DUSP10: variants seen among roughly 807,000 people sequenced by gnomAD.
DUSP10 encodes the protein dual specificity protein phosphatase 10.
In DUSP10, 14 loss-of-function variants were observed where a neutral mutation model predicts 30.8. The observed-to-expected ratio is 0.46, with a 90% CI of 0.30 to 0.71. The LOEUF (loss-of-function observed/expected upper bound fraction) is 0.71, where lower values mean the gene tolerates loss of function less well. DUSP10 is among the 30% of genes least tolerant of loss of function. The pLI is 0.08. For synonymous variants in DUSP10, 254 were observed against 250.4 expected (o/e 1.01, Z -0.14); for missense variants, 550 against 619.4 (o/e 0.89, Z 1.19).
intron 2 of DUSP10, among the ~76,000 whole-genome samples, chr1:221,709,022 A>G (rs2102617689): frequency 6.8e-6 from 1 of 146,022 alleles, no homozygotes; most frequent in East Asian, 2.0e-4. Context: ...AAAAAAAACC[A>G]ACACATGCTA....
chr1:221,730,813 T>A (rs2102646327), intron 2 of DUSP10, among the ~76,000 whole-genome samples: 1 of 152,086 alleles, frequency 6.6e-6, no homozygotes, highest in Non-Finnish European at 1.5e-5. Context: ...AAAAATTACA[T>A]ATATCTATAA....
chr1:221,720,579 G>A (rs953497130), intron 2 of DUSP10, among the ~76,000 whole-genome samples: 7 of 152,190 alleles, frequency 4.6e-5, no homozygotes, highest in African/African-American at 1.7e-4. Flanking sequence ...TTGTAGGACT[G>A]AGCCACAACT....
rs533206356 is a variant in DUSP10 at position 221,727,223 on chromosome 1, G to A, written c.811+11711C>T. On this transcript the variant is annotated intron_variant, in intron 2 of 3. Coordinates refer to ENST00000366899, the MANE Select transcript of DUSP10 (RefSeq NM_007207.6). Reference sequence around the variant, plus strand: ...ATACAAATATAAGGGAGCATCAGCCGGCTCATTCAATTAGTCACTATATAC... The same window carrying A: ...ATACAAATATAAGGGAGCATCAGCCAGCTCATTCAATTAGTCACTATATAC... Among the ~76,000 whole-genome samples, 180 of 152,240 alleles carry A rather than the reference G, an allele frequency of 1.2e-3. 1 individual carries two copies. Among genetic ancestry groups the A allele is most frequent in the African/African-American group, 4.0e-3 (166 of 41,538 alleles).
chr1:221,704,009 C>T (rs1400622519), intron 3 of DUSP10, among the ~76,000 whole-genome samples: 1 of 152,178 alleles, frequency 6.6e-6, no homozygotes, highest in Non-Finnish European at 1.5e-5. Flanking sequence ...AAGTCAAGAC[C>T]AGAAAGCATG....
chr1:221,735,115 C>A (rs1661724518), intron 2 of DUSP10, among the ~76,000 whole-genome samples: 1 of 152,236 alleles, frequency 6.6e-6, no homozygotes, highest in Non-Finnish European at 1.5e-5. Context: ...TAACTGCCTG[C>A]ATGATCAAAT....
intron 2 of DUSP10, among the ~76,000 whole-genome samples, chr1:221,734,722 C>T (rs531428126): frequency 6.6e-5 from 10 of 152,186 alleles, no homozygotes; most frequent in Middle Eastern, 3.4e-3. Flanking sequence ...TGACTAGATC[C>T]GAAGTTCTGC....
At chr1:221,709,298 T>C (rs1413080987) in intron 2 of DUSP10, among the ~76,000 whole-genome samples, 1 of 149,342 alleles carries the variant, frequency 6.7e-6, no homozygotes, top group Non-Finnish European at 1.5e-5. Context: ...GGGCCTTCCA[T>C]TTGCCTAATG....
At chr1:221,727,611 GT>G (rs1214370738) in intron 2 of DUSP10, among the ~76,000 whole-genome samples, 5 of 152,116 alleles carry the variant, frequency 3.3e-5, no homozygotes, top group Non-Finnish European at 5.9e-5. Context: ...TAATTCTGTG[GT>G]TTTTCAACAT....
chr1:221,737,668 G>A (rs1661818488), intron 2 of DUSP10, among the ~76,000 whole-genome samples: 1 of 152,186 alleles, frequency 6.6e-6, no homozygotes. Context: ...CCCCATGAGG[G>A]CAAGTTTGAG....
rs1661873910 is a variant in DUSP10 at position 221,739,222 on chromosome 1, T to C, written c.523A>G (p.Ile175Val). ...TACTCCATGAAGGGCCTGCAGTCAATGATGACAGGGCCCTGACTCGGCAGG... is the reference window on the plus strand; with the variant it reads ...TACTCCATGAAGGGCCTGCAGTCAACGATGACAGGGCCCTGACTCGGCAGG... ...SHLPSQGPVI[I>V]DCRPFMEYNK... Residue 175 changes from isoleucine to valine, a missense_variant, in exon 2 of 4, where the codon ATT becomes GTT. Coordinates refer to ENST00000366899, the MANE Select transcript of DUSP10 (RefSeq NM_007207.6). 2 of 1,614,086 alleles carry C rather than the reference T, an allele frequency of 1.2e-6. No homozygotes were observed. The highest frequency in any genetic ancestry group is 1.7e-6 in the Non-Finnish European group (2 of 1,180,042).
intron 2 of DUSP10, among the ~76,000 whole-genome samples, chr1:221,723,953 T>C (rs1374251489): frequency 1.3e-5 from 2 of 152,246 alleles, no homozygotes; most frequent in Non-Finnish European, 2.9e-5. Context: ...GACCTTCTAA[T>C]CATGTGGATG....
chr1:221,715,499 C>T (rs137930886), intron 2 of DUSP10, among the ~76,000 whole-genome samples: 5 of 152,206 alleles, frequency 3.3e-5, no homozygotes, highest in African/African-American at 1.2e-4. Flanking sequence ...CTCTTGCCCC[C>T]CTCCTACCAT....
chr1:221,727,588 G>A (rs1051738788), intron 2 of DUSP10, among the ~76,000 whole-genome samples: 8 of 152,142 alleles, frequency 5.3e-5, no homozygotes, highest in African/African-American at 1.4e-4. Flanking sequence ...AATGCTTGCT[G>A]TGCAATGGAC....
At chr1:221,727,569 G>C (rs181256683) in intron 2 of DUSP10, among the ~76,000 whole-genome samples, 1 of 152,288 alleles carries the variant, frequency 6.6e-6, no homozygotes, top group East Asian at 1.9e-4. Flanking sequence ...ATTCAACATA[G>C]AGTAAGTGAA....
chr1:221,739,472 C>A lies in DUSP10; in HGVS notation c.273G>T (p.Gln91His). Residue 91 changes from glutamine (Q) to histidine (H), a missense_variant, in exon 2 of 4, where the codon CAG becomes CAT. Gln to His is a conservative substitution (Grantham distance 24). Transcript: ENST00000366899. ...CTVATYDKDN[Q>H]AQTQAIAAGT... ...CAGCGGCAATGGCTTGGGTTTGGGC[C>A]TGATTGTCCTTGTCGTAGGTTGCCA... 6.2e-7 allele frequency: 1 copy of A among 1,614,130 alleles called. No individual in the cohort carries two copies. The highest frequency in any genetic ancestry group is 8.5e-7 in the Non-Finnish European group (1 of 1,180,026).
At chr1:221,737,075 C>A (rs1661797451) in intron 2 of DUSP10, 1 of 985,298 alleles carries the variant, frequency 1.0e-6, no homozygotes, top group African/African-American at 1.7e-5. Context: ...CAAGTAGCAC[C>A]CAGGAGATTC....
intron 2 of DUSP10, among the ~76,000 whole-genome samples, chr1:221,721,651 G>A (rs189528791): frequency 1.3e-5 from 2 of 152,108 alleles, no homozygotes; most frequent in Non-Finnish European, 2.9e-5. Flanking sequence ...ATCACACTTG[G>A]TGGCCTCTTA....
chr1:221,701,437 T>C lies in DUSP10; in HGVS notation c.*975A>G, dbSNP rs1162836908. 2.0e-5 allele frequency: 3 copies of C among 151,460 alleles called. No homozygotes were observed. The highest frequency in any genetic ancestry group is 6.6e-5 in the Admixed American group (1 of 15,180). The allele number at this position is 151,460 out of a possible 1,614,324, so 9.4% of individuals were successfully genotyped here. A position where few individuals can be genotyped will look rare whatever the true frequency, so the allele number is the denominator to read the frequency against. On this transcript the variant is annotated 3_prime_UTR_variant, in exon 4 of 4. Transcript: ENST00000366899. ...ACACATCCTAAACCAGTTTCATTTA[T>C]ATAATGAAAATAAATTTTTACACAA...
chr1:221,731,602 T>A (rs1448313307), intron 2 of DUSP10, among the ~76,000 whole-genome samples: 1 of 117,276 alleles, frequency 8.5e-6, no homozygotes, highest in Non-Finnish European at 1.7e-5. Flanking sequence ...GGCTATTTCT[T>A]TTTTTTTTTT....
Sources: gnomAD v4.1 joint callset for allele counts (sites outside exome capture counted in the v4.1 genomes callset) on GRCh38, gnomAD v4.1.1 for gene constraint, MANE v1.5 for transcripts, NCBI Gene and HGNC (gene_info 2026-07-23, HGNC 2026-07-21) for gene names.